Variants in TDRD3 observed in about 807,000 individuals in gnomAD.
TDRD3 encodes tudor domain containing 3.
Under a neutral mutation model 86.7 loss-of-function variants are expected in TDRD3, and 45 were observed. The observed-to-expected ratio is 0.52, with a 90% CI of 0.41 to 0.67. The LOEUF (loss-of-function observed/expected upper bound fraction) is 0.67. TDRD3 is among the 30% of genes least tolerant of loss of function. The pLI is 0.00. For synonymous variants in TDRD3, 298 were observed against 301.7 expected, an observed-to-expected ratio of 0.99 and a Z score of 0.13; for missense variants, 814 against 889.0, an observed-to-expected ratio of 0.92 and a Z score of 1.07.
At chr13:60,451,175 A>G (rs534401402) in intron 3 of TDRD3, among the ~76,000 whole-genome samples, 1 of 152,330 alleles carries the variant, frequency 6.6e-6, no homozygotes, top group South Asian at 2.1e-4. Flanking sequence ...TTTTGGTGGT[A>G]GAGAAGAAGA....
Position 60,510,649 on chromosome 13 carries a change from G to T in TDRD3, c.1035G>T (p.Gly345=). ...CTAAAGGTAGAGGAAAAGGCAGGGG[G>T]CGAATAAGATCTGAAGATGAAGAGG... ...PPLRGRGKGR[G]RIRSEDEEDL... is the part of the protein sequence containing the mutation. Residue 345 remains glycine (G), a synonymous_variant, in exon 10 of 14, where the codon GGG becomes GGT. Coordinates refer to ENST00000377881, the MANE Select transcript of TDRD3 (RefSeq NM_001146070.2). 6.2e-7 allele frequency: 1 copy of T among 1,601,954 alleles called. No homozygotes were observed. The highest frequency in any genetic ancestry group is 8.5e-7 in the Non-Finnish European group (1 of 1,174,102).
intron 3 of TDRD3, among the ~76,000 whole-genome samples, chr13:60,460,076 A>G (rs1365582707): frequency 2.0e-5 from 3 of 152,232 alleles, no homozygotes; most frequent in Non-Finnish European, 2.9e-5. Context: ...AGCAATAAAT[A>G]TACCTTTCAT....
intron 13 of TDRD3, 66 bp downstream of exon 13, chr13:60,567,716 T>C: frequency 1.3e-6 from 2 of 1,575,426 alleles, no homozygotes; most frequent in Non-Finnish European, 1.7e-6. Context: ...AGCATATAAG[T>C]CCAATTAGTG....
intron 10 of TDRD3, among the ~76,000 whole-genome samples, chr13:60,522,856 G>A (rs191714012): frequency 6.0e-4 from 91 of 152,216 alleles, no homozygotes; most frequent in African/African-American, 2.0e-3. Flanking sequence ...TAAAATTGAA[G>A]GTAACATGTT....
At chr13:60,557,552 A>G (rs1958224063) in intron 12 of TDRD3, among the ~76,000 whole-genome samples, 1 of 152,174 alleles carries the variant, frequency 6.6e-6, no homozygotes, top group Non-Finnish European at 1.5e-5. Flanking sequence ...GTTAAATGTG[A>G]TAATGGTGTT....
intron 12 of TDRD3, among the ~76,000 whole-genome samples, chr13:60,556,030 T>C (rs1190219591): frequency 6.6e-6 from 1 of 152,074 alleles, no homozygotes; most frequent in Non-Finnish European, 1.5e-5. Context: ...GTATTTTTAG[T>C]AGAGACGGGC....
intron 4 of TDRD3, among the ~76,000 whole-genome samples, chr13:60,463,075 A>T (rs1321336449): frequency 6.6e-6 from 1 of 152,188 alleles, no homozygotes; most frequent in Non-Finnish European, 1.5e-5. Flanking sequence ...GAAGAATGAA[A>T]TTCCCGTCTC....
Position 60,431,105 on chromosome 13 carries a change from GT to G in TDRD3, c.42-8575del, listed in dbSNP as rs199926535. ...TATTTCTTGAATGCTTACTAAATGA[GT>G]TTTTTTTAAACCCTGAGTGATCTTT... On this transcript the variant is annotated intron_variant, in intron 1 of 13. Coordinates refer to ENST00000377881, the MANE Select transcript of TDRD3 (RefSeq NM_001146070.2). Among the ~76,000 whole-genome samples the G allele has an allele frequency of 3.7e-3, 568 of 151,880 alleles. 6 individuals are homozygous for G. Among genetic ancestry groups the G allele is most frequent in the African/African-American group, 0.013 (538 of 41,482 alleles).
chr13:60,420,134 A>AT (rs1353275202), intron 1 of TDRD3, among the ~76,000 whole-genome samples: 2 of 152,022 alleles, frequency 1.3e-5, no homozygotes, highest in Non-Finnish European at 1.5e-5. Flanking sequence ...AAGAAGTATG[A>AT]TTTTTTCTAC....
At chr13:60,413,847 A>G (rs1365410388) in intron 1 of TDRD3, among the ~76,000 whole-genome samples, 3 of 152,110 alleles carry the variant, frequency 2.0e-5, no homozygotes, top group African/African-American at 7.2e-5. Flanking sequence ...TTATAATCTT[A>G]TAAATATTAG....
chr13:60,543,931 G>A (rs1165192694), intron 12 of TDRD3, among the ~76,000 whole-genome samples: 1 of 148,988 alleles, frequency 6.7e-6, no homozygotes. Flanking sequence ...TGTTATTTAT[G>A]AAGACTCCCA....
At position 60,487,506 on chromosome 13, in the gene TDRD3, C is replaced by T. The variant is rs183521412; in HGVS notation, c.717+1558C>T. 2.0e-5 allele frequency among the ~76,000 whole-genome samples: 3 copies of T among 152,020 alleles called. No individual in the cohort carries two copies. The East Asian group carries it at 5.8e-4, about 29-fold the overall frequency. On this transcript the variant is annotated intron_variant, in intron 7 of 13. Transcript: ENST00000377881. ...AATAAAAATTAAAAAAAAAAGTATG[C>T]AAGAGGATGTGCATAGGTTGTATGC... is the stretch of plus-strand genomic sequence containing the variant.
chr13:60,424,083 G>A (rs1044522722), intron 1 of TDRD3, among the ~76,000 whole-genome samples: 2 of 151,774 alleles, frequency 1.3e-5, no homozygotes, highest in African/African-American at 4.8e-5. Context: ...GTGCAGTGGC[G>A]CCATCTTGGC....
intron 8 of TDRD3, among the ~76,000 whole-genome samples, chr13:60,506,264 A>G (rs1956935136): frequency 6.6e-6 from 1 of 152,188 alleles, no homozygotes; most frequent in African/African-American, 2.4e-5. Context: ...AGAATTTCAT[A>G]TCTAGATTTT....
chr13:60,509,916 A>G lies in TDRD3; in HGVS notation c.1012A>G (p.Arg338Gly). ...GAAACCTGTTATGGGTCCTCCTCTG[A>G]GAGGTATAATTTATTAAGCAGTGTG... ...KQKPVMGPPL[R>G]GRGKGRGRIR... Residue 338 changes from arginine to glycine, a missense_variant, in exon 9 of 14, where the codon AGA becomes GGA. Physicochemically the swap from Arg to Gly is moderately radical, Grantham distance 125. Transcript: ENST00000377881. The G allele has an allele frequency of 1.2e-6, 2 of 1,613,076 alleles. No homozygotes were observed. The highest frequency in any genetic ancestry group is 1.7e-6 in the Non-Finnish European group (2 of 1,179,426).
chr13:60,475,673 G>A lies in TDRD3; in HGVS notation c.496-8102G>A, dbSNP rs560837702. ...TTACATTCCCAGCAACTGTGTATGT[G>A]TATTTTCCTTTCTTGGCAACCTTGC... On this transcript the variant is annotated intron_variant, in intron 5 of 13. Coordinates refer to ENST00000377881, the MANE Select transcript of TDRD3 (RefSeq NM_001146070.2). Among the ~76,000 whole-genome samples the A allele has an allele frequency of 4.7e-4, 71 of 152,240 alleles. 1 individual carries two copies. The South Asian group carries it at 0.015, about 32-fold the overall frequency.
intron 11 of TDRD3, among the ~76,000 whole-genome samples, chr13:60,533,078 G>C (rs1320755184): frequency 6.6e-6 from 1 of 152,144 alleles, no homozygotes; most frequent in African/African-American, 2.4e-5. Context: ...GAACACAAAA[G>C]TGTGGGGCTA....
rs566144822 is a variant in TDRD3 at position 60,514,476 on chromosome 13, G to A, written c.1141+3721G>A. ...GGGCCTATCACACTACATACAGGAAGCAAAATTTTTAATCTCTCCTAGATG... is the reference window on the plus strand; with the variant it reads ...GGGCCTATCACACTACATACAGGAAACAAAATTTTTAATCTCTCCTAGATG... On this transcript the variant is annotated intron_variant, in intron 10 of 13. Transcript: ENST00000377881. Among the ~76,000 whole-genome samples, 14 of 152,286 alleles carry A rather than the reference G, an allele frequency of 9.2e-5. No homozygotes were observed. In the South Asian group the frequency reaches 2.1e-3, roughly 23 times the overall value.
At chr13:60,483,754 G>A (rs373365946) in intron 5 of TDRD3, 21 bp from the exon 6 acceptor site, 2 of 1,595,372 alleles carry the variant, frequency 1.3e-6, no homozygotes, top group Non-Finnish European at 8.5e-7. Flanking sequence ...CTGCTCTTTT[G>A]TGACTGGATT....
Sources: allele counts gnomAD v4.1 joint callset (sites outside exome capture counted in the v4.1 genomes callset), GRCh38; gene constraint gnomAD v4.1.1; transcripts MANE v1.5; gene names NCBI Gene and HGNC (gene_info 2026-07-23, HGNC 2026-07-21).